GPC6: variants seen among roughly 807,000 people sequenced by gnomAD.
GPC6 encodes the protein glypican-6.
A neutral mutation model predicts 55.2 loss-of-function variants in GPC6; 14 were observed. That is an observed-to-expected ratio of 0.25 (90% CI 0.17 to 0.40). The LOEUF is 0.40. Among genes scored for constraint, GPC6 ranks in the 10% least tolerant of loss-of-function variants. The probability of loss-of-function intolerance (pLI) is 1.00; values close to 1 mark genes in which losing one functional copy is unlikely to be tolerated. For synonymous variants in GPC6, 278 were observed against 259.6 expected, an observed-to-expected ratio of 1.07 and a Z score of -0.68; for missense variants, 641 against 708.5, an observed-to-expected ratio of 0.90 and a Z score of 1.08.
At chr13:93,295,414 A>C (rs180779111) in intron 1 of GPC6, among the ~76,000 whole-genome samples, 1 of 151,074 alleles carries the variant, frequency 6.6e-6, no homozygotes, top group Admixed American at 6.6e-5. Flanking sequence ...GAAGTCTGAG[A>C]TCAGGAGGCC....
intron 3 of GPC6, among the ~76,000 whole-genome samples, chr13:93,975,599 G>A (rs1235444031): frequency 6.6e-6 from 1 of 152,040 alleles, no homozygotes; most frequent in Non-Finnish European, 1.5e-5. Flanking sequence ...GTTTTTTATT[G>A]AAAAATGCAG....
chr13:94,273,176 A>G (rs191174278), intron 4 of GPC6, among the ~76,000 whole-genome samples: 2 of 152,344 alleles, frequency 1.3e-5, no homozygotes, highest in Non-Finnish European at 2.9e-5. Context: ...GATGAATCCC[A>G]GAACTAACAA....
chr13:93,764,860 C>T (rs550611875), intron 2 of GPC6, among the ~76,000 whole-genome samples: 3 of 152,186 alleles, frequency 2.0e-5, no homozygotes, highest in East Asian at 1.9e-4. Context: ...AGTGTAGTGG[C>T]GTGATCTCAG....
At chr13:93,409,123 T>C (rs557546935) in intron 1 of GPC6, among the ~76,000 whole-genome samples, 1 of 151,720 alleles carries the variant, frequency 6.6e-6, no homozygotes, top group Non-Finnish European at 1.5e-5. Flanking sequence ...TTTATCAAGC[T>C]GCTTATTTAT....
chr13:93,786,742 G>GCACCTGTGACTA (rs1294660456), intron 2 of GPC6, among the ~76,000 whole-genome samples: 2 of 146,248 alleles, frequency 1.4e-5, no homozygotes, highest in Non-Finnish European at 3.0e-5. Context: ...TAAGCACCTA[G>GCACCTGTGACTA]AGTATATTTG....
chr13:93,330,916 G>A (rs1879821517), intron 1 of GPC6, among the ~76,000 whole-genome samples: 1 of 151,854 alleles, frequency 6.6e-6, no homozygotes, highest in Non-Finnish European at 1.5e-5. Flanking sequence ...CACTTTTTTT[G>A]GCTATAGACT....
chr13:93,793,384 A>G (rs1886104832), intron 2 of GPC6, among the ~76,000 whole-genome samples: 1 of 152,222 alleles, frequency 6.6e-6, no homozygotes, highest in African/African-American at 2.4e-5. Context: ...TGAGTGAAAA[A>G]GCTTAAGAAA....
chr13:93,531,875 C>T (rs1323072282), intron 1 of GPC6, among the ~76,000 whole-genome samples: 2 of 152,090 alleles, frequency 1.3e-5, no homozygotes, highest in Non-Finnish European at 2.9e-5. Flanking sequence ...ATACCACCAC[C>T]CTCATTTCCT....
intron 1 of GPC6, among the ~76,000 whole-genome samples, chr13:93,288,247 T>G (rs1316702374): frequency 6.6e-6 from 1 of 152,170 alleles, no homozygotes; most frequent in African/African-American, 2.4e-5. Context: ...GGAAAACACC[T>G]TAGAAATCTG....
chr13:93,424,274 G>T (rs1877035913), intron 1 of GPC6, among the ~76,000 whole-genome samples: 1 of 152,180 alleles, frequency 6.6e-6, no homozygotes, highest in Non-Finnish European at 1.5e-5. Context: ...CAAGATTGAG[G>T]CAGGGAAGCT....
At chr13:94,002,606 A>G (rs1397931184) in intron 3 of GPC6, among the ~76,000 whole-genome samples, 1 of 152,172 alleles carries the variant, frequency 6.6e-6, no homozygotes, top group African/African-American at 2.4e-5. Flanking sequence ...AAAGGGAATT[A>G]CAGCATTAAA....
intron 4 of GPC6, among the ~76,000 whole-genome samples, chr13:94,076,864 T>G (rs1884932802): frequency 6.6e-6 from 1 of 151,896 alleles, no homozygotes; most frequent in South Asian, 2.1e-4. Context: ...AGTGTCATAC[T>G]GTTTGAATTA....
intron 2 of GPC6, among the ~76,000 whole-genome samples, chr13:93,804,126 T>A (rs970889610): frequency 3.3e-5 from 5 of 152,150 alleles, no homozygotes; most frequent in Non-Finnish European, 5.9e-5. Context: ...AGGCATAGCA[T>A]AAATTGATTG....
At chr13:93,881,595 T>C (rs1239787811) in intron 3 of GPC6, among the ~76,000 whole-genome samples, 2 of 152,072 alleles carry the variant, frequency 1.3e-5, no homozygotes, top group Non-Finnish European at 2.9e-5. Flanking sequence ...TAATGGGGTG[T>C]CACTGCTGCT....
At chr13:93,264,443 T>A (rs989147933) in intron 1 of GPC6, among the ~76,000 whole-genome samples, 2 of 152,160 alleles carry the variant, frequency 1.3e-5, no homozygotes, top group African/African-American at 4.8e-5. Flanking sequence ...AGATTCTTGC[T>A]CTTTTGCCCA....
chr13:94,280,071 A>G (rs1053800107), intron 4 of GPC6, among the ~76,000 whole-genome samples: 1 of 152,122 alleles, frequency 6.6e-6, no homozygotes, highest in Non-Finnish European at 1.5e-5. Context: ...ATTGTGTGAG[A>G]GTCTAAGTTT....
intron 4 of GPC6, among the ~76,000 whole-genome samples, chr13:94,254,873 A>G (rs1336195816): frequency 2.6e-5 from 4 of 152,160 alleles, no homozygotes; most frequent in Non-Finnish European, 5.9e-5. Flanking sequence ...CATCTGCAAC[A>G]TAAGCTTACC....
intron 4 of GPC6, among the ~76,000 whole-genome samples, chr13:94,266,160 T>TGTTTG (rs1555313271): frequency 6.8e-6 from 1 of 148,114 alleles, no homozygotes; most frequent in African/African-American, 2.5e-5. Flanking sequence ...TCTTTTTTTT[T>TGTTTG]TTTGTTTGTT....
intron 1 of GPC6, among the ~76,000 whole-genome samples, chr13:93,544,304 C>G (rs951713417): frequency 2.6e-5 from 4 of 151,168 alleles, no homozygotes; most frequent in Admixed American, 6.6e-5. Flanking sequence ...TAGGACATAC[C>G]TTTATAAGTA....
Sources: gnomAD v4.1 joint callset for allele counts (sites outside exome capture counted in the v4.1 genomes callset) on GRCh38, gnomAD v4.1.1 for gene constraint, MANE v1.5 for transcripts, NCBI Gene and HGNC (gene_info 2026-07-23, HGNC 2026-07-21) for gene names.